The following NHEJ1 variants were observed in gnomAD, a reference collection of about 807,000 sequenced individuals.
NHEJ1 encodes the protein non-homologous end joining factor 1.
A neutral mutation model predicts 39.4 loss-of-function variants in NHEJ1; 22 were observed. The observed-to-expected ratio is 0.56, with a 90% CI of 0.40 to 0.80. The LOEUF (loss-of-function observed/expected upper bound fraction) is 0.80, where lower values mean the gene tolerates loss of function less well. Ranked by LOEUF, NHEJ1 falls within the 30% of genes least tolerant of loss-of-function variation. NHEJ1 has a pLI of 0.00. For missense variants in NHEJ1, 329 were observed against 357.1 expected, an observed-to-expected ratio of 0.92 and a Z score of 0.63; for synonymous variants, 154 against 135.6, an observed-to-expected ratio of 1.14 and a Z score of -0.94.
intron 5 of NHEJ1, among the ~76,000 whole-genome samples, chr2:219,101,543 T>C (rs1017848982): frequency 6.6e-6 from 1 of 152,134 alleles, no homozygotes; most frequent in Non-Finnish European, 1.5e-5. Context: ...CTTGAGTAGC[T>C]GGGACTACAG....
At chr2:219,143,878 A>G (rs561825694) in intron 5 of NHEJ1, among the ~76,000 whole-genome samples, 5 of 152,368 alleles carry the variant, frequency 3.3e-5, no homozygotes, top group Non-Finnish European at 7.3e-5. Flanking sequence ...AGCCATGAGA[A>G]TAACTGAAGA....
At chr2:219,137,595 A>AAAAAAAAAAAAAAAAAAAAAAAAAAAAAC (rs143557047) in intron 5 of NHEJ1, among the ~76,000 whole-genome samples, 2 of 82,668 alleles carry the variant, frequency 2.4e-5, no homozygotes, top group Non-Finnish European at 6.1e-5. Flanking sequence ...AAAAAAAACA[A>AAAAAAAAAAAAAAAAAAAAAAAAAAAAAC]AAAAAACTGA....
Position 219,083,709 on chromosome 2 carries a change from C to T in NHEJ1, c.589-5503G>A, listed in dbSNP as rs142288917. Reference sequence around the variant, plus strand: ...GTGTGAAAGGATTAAATGAGAGAATCGAGTAAGTGCCCAAGAAATGTCTGT... The same window carrying T: ...GTGTGAAAGGATTAAATGAGAGAATTGAGTAAGTGCCCAAGAAATGTCTGT... On this transcript the variant is annotated intron_variant, in intron 5 of 7. Coordinates refer to ENST00000356853, the MANE Select transcript of NHEJ1 (RefSeq NM_024782.3). Among the ~76,000 whole-genome samples the T allele has an allele frequency of 2.3e-3, 350 of 152,286 alleles. 1 individual carries two copies. Among genetic ancestry groups the T allele is most frequent in the African/African-American group, 7.9e-3 (328 of 41,546 alleles).
intron 5 of NHEJ1, among the ~76,000 whole-genome samples, chr2:219,109,054 AAG>A (rs1192644612): frequency 6.6e-6 from 1 of 152,252 alleles, no homozygotes; most frequent in African/African-American, 2.4e-5. Context: ...GACTTAGAAT[AAG>A]AGTGAGATAT....
chr2:219,070,583 C>T lies in NHEJ1; in HGVS notation c.*5798G>A, dbSNP rs530795648. On this transcript the variant is annotated 3_prime_UTR_variant, in exon 8 of 8. Coordinates refer to ENST00000356853, the MANE Select transcript of NHEJ1 (RefSeq NM_024782.3). ...AACTCCTAGCCTCAAGCAATCCTCCCGCCTCAGCCTCCCAAAGTGCTGGGA... is the reference window on the plus strand; with the variant it reads ...AACTCCTAGCCTCAAGCAATCCTCCTGCCTCAGCCTCCCAAAGTGCTGGGA... Among the ~76,000 whole-genome samples the T allele has an allele frequency of 4.9e-4, 74 of 151,922 alleles. 1 individual carries two copies. The highest frequency in any genetic ancestry group is 1.6e-3 in the African/African-American group (65 of 41,438).
chr2:219,098,705 C>T (rs1949230197), intron 5 of NHEJ1, among the ~76,000 whole-genome samples: 1 of 152,146 alleles, frequency 6.6e-6, no homozygotes, highest in South Asian at 2.1e-4. Context: ...AATTCCACCA[C>T]TTTGAGAGGC....
chr2:219,125,643 G>A (rs917189511), intron 5 of NHEJ1: 2 of 152,306 alleles, frequency 1.3e-5, no homozygotes, highest in Admixed American at 1.3e-4. Context: ...TCTGGGTCCT[G>A]TATGGCTAGA....
chr2:219,157,990 C>G (rs1455050603), intron 2 of NHEJ1, among the ~76,000 whole-genome samples, 196 bp downstream of exon 2: 2 of 35,394 alleles, frequency 5.7e-5, no homozygotes, highest in Non-Finnish European at 7.7e-5. Context: ...CTCTCTCTCT[C>G]TCACACACAC....
chr2:219,076,654 C>T (rs559396810), intron 7 of NHEJ1, among the ~76,000 whole-genome samples, 199 bp from the exon 8 acceptor site: 1 of 151,734 alleles, frequency 6.6e-6, no homozygotes, highest in African/African-American at 2.4e-5. Flanking sequence ...AGCAATCCGC[C>T]TGTCTCAGCC....
At chr2:219,128,991 G>A (rs1403493247) in intron 5 of NHEJ1, among the ~76,000 whole-genome samples, 2 of 152,142 alleles carry the variant, frequency 1.3e-5, no homozygotes, top group African/African-American at 2.4e-5. Flanking sequence ...CCCTTCCCTA[G>A]AGTTGTAGGT....
chr2:219,113,343 A>T (rs1949382628), intron 5 of NHEJ1, among the ~76,000 whole-genome samples: 1 of 152,200 alleles, frequency 6.6e-6, no homozygotes, highest in South Asian at 2.1e-4. Flanking sequence ...ACAAACTCAA[A>T]ACAAATTGAG....
chr2:219,126,311 A>G (rs1949514042), intron 5 of NHEJ1, among the ~76,000 whole-genome samples: 1 of 152,230 alleles, frequency 6.6e-6, no homozygotes, highest in South Asian at 2.1e-4. Flanking sequence ...TTTTCTACCT[A>G]TTACTTGTGC....
At chr2:219,098,717 G>A (rs1949230296) in intron 5 of NHEJ1, among the ~76,000 whole-genome samples, 1 of 152,156 alleles carries the variant, frequency 6.6e-6, no homozygotes, top group South Asian at 2.1e-4. Context: ...TTGAGAGGCC[G>A]AGGTAGGAGG....
At chr2:219,093,187 A>G (rs1221130239) in intron 5 of NHEJ1, among the ~76,000 whole-genome samples, 1 of 152,168 alleles carries the variant, frequency 6.6e-6, no homozygotes, top group African/African-American at 2.4e-5. Flanking sequence ...TGTAGAAGGT[A>G]CCACTGTCGA....
rs1948953984 is a variant in NHEJ1, at chr2:219,071,241, G to A, written c.*5140C>T. 6.6e-6 allele frequency among the ~76,000 whole-genome samples: 1 copy of A among 152,142 alleles called. No individual in the cohort carries two copies. The highest frequency in any genetic ancestry group is 6.5e-5 in the Admixed American group (1 of 15,280). ...AGCCAGGATGAAGTGCCAGTCAAAA[G>A]GATCACCCTTCCCCTACTCCATTCT... On this transcript the variant is annotated 3_prime_UTR_variant, in exon 8 of 8. Transcript: ENST00000356853.
rs1307549197 is a variant in NHEJ1, at chr2:219,158,321, C to T, written c.42G>A (p.Ala14=). The change falls in exon 2 of 8, where the codon GCG becomes GCA. Residue 14 remains alanine, a synonymous_variant. Transcript: ENST00000356853. ...GGGAGTTCTCTGCAAGCTGTAGCCA[C>T]GCCCATGGCTGCATCAACAGGCCTT... The part of the protein sequence containing the change: ...LEQGLLMQPW[A]WLQLAENSLL... 64 of 1,614,054 alleles carry T rather than the reference C, an allele frequency of 4.0e-5. No individual in the cohort carries two copies. Among genetic ancestry groups the T allele is most frequent in the Non-Finnish European group, 5.0e-5 (59 of 1,180,034 alleles).
chr2:219,138,496 G>A (rs1445367115), intron 5 of NHEJ1, among the ~76,000 whole-genome samples: 2 of 152,184 alleles, frequency 1.3e-5, no homozygotes, highest in East Asian at 3.8e-4. Flanking sequence ...AAATAAAAAA[G>A]AGTGGGAAGA....
rs1360542359 is a variant in NHEJ1 at position 219,072,412 on chromosome 2, C to A, written c.*3969G>T. On this transcript the variant is annotated 3_prime_UTR_variant, in exon 8 of 8. Transcript: ENST00000356853. Reference sequence around the variant, plus strand: ...GACGAGGAACCAAGGTTCTTGAGCTCTGAGTTTGGTGGCTTCCTTGCAGTA... The same window carrying A: ...GACGAGGAACCAAGGTTCTTGAGCTATGAGTTTGGTGGCTTCCTTGCAGTA... Among the ~76,000 whole-genome samples, 1 of 152,184 alleles carries A rather than the reference C, an allele frequency of 6.6e-6. No individual in the cohort carries two copies. The highest frequency in any genetic ancestry group is 1.9e-4 in the East Asian group (1 of 5,198).
In NHEJ1 at chr2:219,070,108, C is replaced by T. The variant is rs1948942825; in HGVS notation, c.*6273G>A. Among the ~76,000 whole-genome samples, 1 of 152,202 alleles carries T rather than the reference C, an allele frequency of 6.6e-6. No homozygotes were observed. The highest frequency in any genetic ancestry group is 2.4e-5 in the African/African-American group (1 of 41,458). On this transcript the variant is annotated 3_prime_UTR_variant, in exon 8 of 8. Transcript: ENST00000356853. ...CTCCTTGCTGAATGGCCACAAACTG[C>T]CTGTGTTCAATAAGCCCACAATCTG...
Sources: gnomAD v4.1 joint callset for allele counts (sites outside exome capture counted in the v4.1 genomes callset) on GRCh38, gnomAD v4.1.1 for gene constraint, MANE v1.5 for transcripts, NCBI Gene and HGNC (gene_info 2026-07-23, HGNC 2026-07-21) for gene names.